The following SSBP3 variants were observed in gnomAD, a reference collection of about 807,000 sequenced individuals.
SSBP3 encodes the protein single-stranded DNA-binding protein 3.
SSBP3 carries 5 observed loss-of-function variants against 69.6 expected under a neutral mutation model. The observed-to-expected ratio is 0.07, with a 90% CI of 0.04 to 0.15. SSBP3 has a LOEUF of 0.15. Among genes scored for constraint, SSBP3 ranks in the 10% least tolerant of loss-of-function variants. The pLI is 1.00. For missense variants in SSBP3, 312 were observed against 534.0 expected, an observed-to-expected ratio of 0.58 and a Z score of 4.10; for synonymous variants, 196 against 193.4, an observed-to-expected ratio of 1.01 and a Z score of -0.11.
At chr1:54,335,916 C>T (rs964298561) in intron 4 of SSBP3, 2 of 152,230 alleles carry the variant, frequency 1.3e-5, no homozygotes, top group Non-Finnish European at 2.9e-5. Context: ...AAATAAGTCT[C>T]GCAAGGGAGG....
chr1:54,255,129 C>A (rs1038339035), intron 7 of SSBP3, among the ~76,000 whole-genome samples: 2 of 129,924 alleles, frequency 1.5e-5, no homozygotes, highest in African/African-American at 6.3e-5. Context: ...CTGCGCCCAG[C>A]CCCAGTGTAG....
Position 54,228,443 on chromosome 1 carries a change from A to G in SSBP3, c.1035+6T>C. On this transcript the variant is annotated splice_donor_region_variant and intron_variant, in intron 16 of 17. Transcript: ENST00000610401. Reference sequence around the variant, plus strand: ...GCGCCGCCAGGGAGACCGAGTGCACACTCACTTTTGGAAGTCCGTCTATGT... The same window carrying G: ...GCGCCGCCAGGGAGACCGAGTGCACGCTCACTTTTGGAAGTCCGTCTATGT... 1 of 1,614,122 alleles carries G rather than the reference A, an allele frequency of 6.2e-7. No homozygotes were observed. Among genetic ancestry groups the G allele is most frequent in the Non-Finnish European group, 8.5e-7 (1 of 1,180,014 alleles).
At chr1:54,289,029 AAAAAAAACAAAAAAAC>A (rs1244983204) in intron 4 of SSBP3, among the ~76,000 whole-genome samples, 6 of 75,104 alleles carry the variant, frequency 8.0e-5, no homozygotes, top group Non-Finnish European at 1.0e-4. Context: ...CCAAAAAAAA[AAAAAAAACAAAAAAAC>A]AAAAAAAAAA....
chr1:54,404,042 G>A (rs750517631), intron 3 of SSBP3, among the ~76,000 whole-genome samples: 1 of 151,896 alleles, frequency 6.6e-6, no homozygotes, highest in African/African-American at 2.4e-5. Flanking sequence ...GGAGCTCCCA[G>A]AGGAAAGGAA....
At position 54,271,205 on chromosome 1, in the gene SSBP3, G is replaced by C. The variant is rs1203842669; in HGVS notation, c.366+10233C>G. ...GGCTCACTGCAGTATCAATCTCCAG[G>C]GCTCAAGCCATCCTCCCACCTCAGC... On this transcript the variant is annotated intron_variant, in intron 5 of 17. Coordinates refer to ENST00000610401, the Ensembl canonical transcript of SSBP3. Among the ~76,000 whole-genome samples, 10 of 152,212 alleles carry C rather than the reference G, an allele frequency of 6.6e-5. No homozygotes were observed. In the East Asian group the frequency reaches 1.9e-3, roughly 29 times the overall value.
At chr1:54,286,553 GCT>G (rs1240736120) in intron 4 of SSBP3, 1 of 152,238 alleles carries the variant, frequency 6.6e-6, no homozygotes, top group African/African-American at 2.4e-5. Flanking sequence ...CAGCCATGGG[GCT>G]CAGGGACTAC....
At chr1:54,244,821 C>A (rs1644705464) in intron 9 of SSBP3, among the ~76,000 whole-genome samples, 1 of 152,156 alleles carries the variant, frequency 6.6e-6, no homozygotes, top group South Asian at 2.1e-4. Flanking sequence ...CCTGACCCCA[C>A]CCCTTCGGGC....
chr1:54,401,688 T>G (rs1170333734), intron 4 of SSBP3, among the ~76,000 whole-genome samples, 173 bp downstream of exon 4: 1 of 152,208 alleles, frequency 6.6e-6, no homozygotes, highest in Non-Finnish European at 1.5e-5. Flanking sequence ...GTTAGAACAC[T>G]GCTGGAGAAA....
At chr1:54,384,487 A>G (rs1647932381) in intron 4 of SSBP3, among the ~76,000 whole-genome samples, 1 of 152,248 alleles carries the variant, frequency 6.6e-6, no homozygotes, top group Non-Finnish European at 1.5e-5. Flanking sequence ...TCAGGGCCTC[A>G]GTTTACAAGA....
At chr1:54,357,157 G>T (rs567099686) in intron 4 of SSBP3, among the ~76,000 whole-genome samples, 11 of 152,332 alleles carry the variant, frequency 7.2e-5, no homozygotes, top group Admixed American at 2.6e-4. Flanking sequence ...GGCCAAAGGG[G>T]CTAGGAGGGG....
At chr1:54,408,544 C>T (rs1649910795), upstream of SSBP3, among the ~76,000 whole-genome samples, 1 of 152,150 alleles carries the variant, frequency 6.6e-6, no homozygotes, top group African/African-American at 2.4e-5. Flanking sequence ...AAGACACTGC[C>T]CTTCTCCGGC....
chr1:54,396,217 A>AAAAAAAAAAAAC (rs1648871747), intron 4 of SSBP3, among the ~76,000 whole-genome samples: 4 of 146,004 alleles, frequency 2.7e-5, no homozygotes, highest in African/African-American at 1.0e-4. Flanking sequence ...AAAAAAAAAA[A>AAAAAAAAAAAAC]AACAACCCCA....
chr1:54,380,809 C>T (rs1292637597), intron 4 of SSBP3, among the ~76,000 whole-genome samples: 1 of 152,094 alleles, frequency 6.6e-6, no homozygotes, highest in East Asian at 1.9e-4. Context: ...AGTGTGGGCA[C>T]CTGAAAGCTT....
chr1:54,235,765 T>TA (rs1644481507), intron 14 of SSBP3, among the ~76,000 whole-genome samples: 1 of 152,166 alleles, frequency 6.6e-6, no homozygotes, highest in African/African-American at 2.4e-5. Flanking sequence ...CATCATTTTT[T>TA]AACACTCCAA....
chr1:54,318,706 G>C (rs1312509678), intron 4 of SSBP3, among the ~76,000 whole-genome samples: 3 of 152,140 alleles, frequency 2.0e-5, no homozygotes, highest in Non-Finnish European at 4.4e-5. Flanking sequence ...CCCTTCAGAT[G>C]CAGGAAGTGG....
At chr1:54,262,480 G>A (rs542295306) in intron 5 of SSBP3, among the ~76,000 whole-genome samples, 1 of 152,326 alleles carries the variant, frequency 6.6e-6, no homozygotes, top group African/African-American at 2.4e-5. Flanking sequence ...CCGAGATGCC[G>A]GGTGCTGACC....
At chr1:54,349,920 C>T (rs1308596664) in intron 4 of SSBP3, among the ~76,000 whole-genome samples, 1 of 152,030 alleles carries the variant, frequency 6.6e-6, no homozygotes, top group Non-Finnish European at 1.5e-5. Flanking sequence ...GTACATCTCC[C>T]ACCTGGGGTC....
At chr1:54,327,684 AT>A (rs1646335268) in intron 4 of SSBP3, among the ~76,000 whole-genome samples, 1 of 152,202 alleles carries the variant, frequency 6.6e-6, no homozygotes, top group Admixed American at 6.5e-5. Context: ...TTTCTGAGTC[AT>A]AACAATTATG....
intron 4 of SSBP3, among the ~76,000 whole-genome samples, chr1:54,371,405 G>C (rs1647131593): frequency 6.6e-6 from 1 of 152,214 alleles, no homozygotes; most frequent in Non-Finnish European, 1.5e-5. Flanking sequence ...ACTTGCTTCA[G>C]AAGGCTGGCT....
Sources: gnomAD v4.1 joint callset for allele counts (sites outside exome capture counted in the v4.1 genomes callset) on GRCh38, gnomAD v4.1.1 for gene constraint, MANE v1.5 for transcripts, NCBI Gene and HGNC (gene_info 2026-07-23, HGNC 2026-07-21) for gene names.